The following SGCD variants were observed in gnomAD, a reference collection of about 807,000 sequenced individuals.
SGCD encodes the protein delta-sarcoglycan.
Under a neutral mutation model 36.6 loss-of-function variants are expected in SGCD, and 18 were observed. The observed-to-expected ratio is 0.49, with a 90% CI of 0.34 to 0.73. The LOEUF (loss-of-function observed/expected upper bound fraction) is 0.73, where lower values mean the gene tolerates loss of function less well. SGCD is among the 30% of genes least tolerant of loss of function. The pLI, the probability that SGCD is intolerant of heterozygous loss-of-function variation, is 0.01. For missense variants in SGCD, 387 were observed against 346.7 expected (o/e 1.12, Z -0.92); for synonymous variants, 133 against 130.6 (o/e 1.02, Z -0.12).
chr5:156,036,625 G>GT (rs1200699126), intron 1 of SGCD, among the ~76,000 whole-genome samples: 5 of 152,130 alleles, frequency 3.3e-5, no homozygotes, highest in Non-Finnish European at 5.9e-5. Flanking sequence ...TTGGGTTACT[G>GT]TTATTTAAGC....
chr5:156,473,630 A>T (rs191666605), intron 3 of SGCD, among the ~76,000 whole-genome samples: 1 of 152,188 alleles, frequency 6.6e-6, no homozygotes, highest in East Asian at 1.9e-4. Flanking sequence ...GAGATTGTAA[A>T]CTCCTTGGGA....
intron 4 of SGCD, among the ~76,000 whole-genome samples, chr5:156,519,289 G>A (rs1363142344): frequency 6.6e-6 from 1 of 152,050 alleles, no homozygotes; most frequent in African/African-American, 2.4e-5. Flanking sequence ...TGAGGAAAAA[G>A]TTGATTCCCT....
chr5:155,955,268 CGTAAGTATTTGATGATTTA>C (rs1561661977), intron 1 of SGCD, among the ~76,000 whole-genome samples: 1 of 152,042 alleles, frequency 6.6e-6, no homozygotes, highest in East Asian at 1.9e-4. Flanking sequence ...TGACACACTC[CGTAAGTATTTGATGATTTA>C]GTAAGTAAAT....
chr5:156,163,721 TC>T (rs1307210507), intron 3 of SGCD, among the ~76,000 whole-genome samples: 1 of 151,444 alleles, frequency 6.6e-6, no homozygotes. Context: ...AATATTATTA[TC>T]AAAAGAAATC....
chr5:156,538,097 T>C (rs1758194693), intron 4 of SGCD, among the ~76,000 whole-genome samples: 1 of 127,810 alleles, frequency 7.8e-6, no homozygotes, highest in Non-Finnish European at 1.8e-5. Context: ...TCTAGAATAA[T>C]ATATTTGGAA....
At chr5:156,701,817 G>A (rs374176848) in intron 7 of SGCD, among the ~76,000 whole-genome samples, 4 of 152,084 alleles carry the variant, frequency 2.6e-5, no homozygotes, top group African/African-American at 4.8e-5. Context: ...ATATTATAAT[G>A]TATGTTTACA....
At chr5:156,620,951 T>C (rs917759143) in intron 6 of SGCD, among the ~76,000 whole-genome samples, 11 of 152,196 alleles carry the variant, frequency 7.2e-5, no homozygotes, top group African/African-American at 2.7e-4. Flanking sequence ...AGAAAAGAAT[T>C]ATAGTTAGAC....
intron 3 of SGCD, among the ~76,000 whole-genome samples, chr5:156,437,345 A>G (rs2127792685): frequency 6.6e-6 from 1 of 152,176 alleles, no homozygotes; most frequent in Non-Finnish European, 1.5e-5. Context: ...TTCAGAAGAA[A>G]TGTTTTATGG....
intron 7 of SGCD, among the ~76,000 whole-genome samples, chr5:156,747,197 T>C: frequency 6.6e-6 from 1 of 152,156 alleles, no homozygotes; most frequent in East Asian, 1.9e-4. Context: ...AAAAAGACCC[T>C]CAACATCAAT....
intron 1 of SGCD, among the ~76,000 whole-genome samples, chr5:155,985,664 T>C (rs967382704): frequency 6.6e-6 from 1 of 152,230 alleles, no homozygotes; most frequent in East Asian, 1.9e-4. Flanking sequence ...TCTCCCCTAC[T>C]TCTGCAGATG....
At chr5:156,118,371 G>T (rs1761953844) in intron 2 of SGCD, among the ~76,000 whole-genome samples, 1 of 152,032 alleles carries the variant, frequency 6.6e-6, no homozygotes, top group South Asian at 2.1e-4. Flanking sequence ...CCACTTCCCT[G>T]GTAACAAAGA....
In SGCD at chr5:155,967,772, G is replaced by A. The variant is rs1160581898; in HGVS notation, c.-282+97348G>A. 8.6e-5 allele frequency among the ~76,000 whole-genome samples: 13 copies of A among 151,914 alleles called. 1 individual carries two copies. The highest frequency in any genetic ancestry group is 5.8e-4 in the East Asian group (3 of 5,150). On this transcript the variant is annotated intron_variant, in intron 1 of 9. Transcript: ENST00000517913. ...ATGGACGATTTGCTTTCACTGCCTC[G>A]ATCTCCTCAACCCATTTCCTCTTAA... is the stretch of plus-strand genomic sequence containing the variant.
intron 4 of SGCD, among the ~76,000 whole-genome samples, chr5:156,547,441 C>CTTTTTT (rs398065337): frequency 2.8e-5 from 4 of 145,186 alleles, no homozygotes; most frequent in African/African-American, 2.5e-5. Flanking sequence ...GATAATATGA[C>CTTTTTT]TTTTTTTTTT....
chr5:156,478,726 G>A (rs1480962057), intron 3 of SGCD, among the ~76,000 whole-genome samples: 1 of 151,778 alleles, frequency 6.6e-6, no homozygotes, highest in African/African-American at 2.4e-5. Context: ...GATTACAGGT[G>A]TGAGCCGCTA....
chr5:156,294,449 C>A (rs1361968530), intron 3 of SGCD, among the ~76,000 whole-genome samples: 3 of 151,948 alleles, frequency 2.0e-5, no homozygotes, highest in Admixed American at 6.6e-5. Flanking sequence ...AAAAAAAAAG[C>A]AAAATAAATT....
At chr5:156,617,897 A>G (rs1011761746) in intron 6 of SGCD, among the ~76,000 whole-genome samples, 2 of 152,152 alleles carry the variant, frequency 1.3e-5, no homozygotes, top group African/African-American at 4.8e-5. Context: ...AGGTGAAGCA[A>G]CTCAAAAGGC....
chr5:156,448,849 A>C (rs533261697), intron 3 of SGCD, among the ~76,000 whole-genome samples: 2 of 145,846 alleles, frequency 1.4e-5, no homozygotes, highest in African/African-American at 5.2e-5. Context: ...CCCTGATTCA[A>C]GTGATTCTCA....
the SGCD span, among the ~76,000 whole-genome samples, chr5:155,826,772 A>C: frequency 5.5e-4 from 84 of 152,292 alleles, no homozygotes; most frequent in Non-Finnish European, 8.7e-4. Context: ...GATGATGTTC[A>C]TTTCTTGCTG....
the SGCD span, among the ~76,000 whole-genome samples, chr5:155,839,680 T>C: frequency 6.6e-6 from 1 of 152,244 alleles, no homozygotes; most frequent in Non-Finnish European, 1.5e-5. Flanking sequence ...ATTTATTTAT[T>C]TCATACTCTG....
Sources: allele counts gnomAD v4.1 joint callset (sites outside exome capture counted in the v4.1 genomes callset), GRCh38; gene constraint gnomAD v4.1.1; transcripts MANE v1.5; gene names NCBI Gene and HGNC (gene_info 2026-07-23, HGNC 2026-07-21).